The following PPP2R2B variants were observed in gnomAD, a reference collection of about 807,000 sequenced individuals.
The protein encoded by PPP2R2B is protein phosphatase 2 regulatory subunit Bbeta, also known as serine/threonine-protein phosphatase 2A 55 kDa regulatory subunit B beta isoform.
Under a neutral mutation model 46.0 loss-of-function variants are expected in PPP2R2B, and 5 were observed. That is an observed-to-expected ratio of 0.11 (90% CI 0.06 to 0.23). PPP2R2B has a LOEUF of 0.23. Ranked by LOEUF, PPP2R2B falls within the 10% of genes least tolerant of loss-of-function variation. PPP2R2B has a pLI of 1.00. For missense variants in PPP2R2B, 367 were observed against 575.0 expected (o/e 0.64, Z 3.70); for synonymous variants, 215 against 206.7 (o/e 1.04, Z -0.34).
At chr5:146,782,304 T>C (rs1315099243) in intron 2 of PPP2R2B, among the ~76,000 whole-genome samples, 1 of 152,216 alleles carries the variant, frequency 6.6e-6, no homozygotes, top group Non-Finnish European at 1.5e-5. Flanking sequence ...AACTCTCCTA[T>C]AGCTATTGAG....
In PPP2R2B at chr5:146,954,237, A is replaced by G. The variant is rs528846008; in HGVS notation, c.79+101428T>C. On this transcript the variant is annotated intron_variant, in intron 1 of 8. Transcript: ENST00000336640. ...TTGGTATTAGTTCTCCAGGACCTCA[A>G]AATATATGAGGATACTTTAATACAA... Among the ~76,000 whole-genome samples the G allele has an allele frequency of 3.9e-5, 6 of 152,158 alleles. No homozygotes were observed. In the East Asian group the frequency reaches 7.7e-4, roughly 20 times the overall value.
intron 1 of PPP2R2B, among the ~76,000 whole-genome samples, chr5:147,052,839 C>G (rs997931214): frequency 6.6e-6 from 1 of 152,008 alleles, no homozygotes; most frequent in Non-Finnish European, 1.5e-5. Context: ...CTGACTGCTA[C>G]ATGGAGAACC....
At chr5:146,626,229 C>A (rs1444100918) in intron 7 of PPP2R2B, among the ~76,000 whole-genome samples, 2 of 148,856 alleles carry the variant, frequency 1.3e-5, no homozygotes, top group African/African-American at 4.9e-5. Context: ...GAAAAACGGG[C>A]AGCTAATACA....
intron 2 of PPP2R2B, among the ~76,000 whole-genome samples, chr5:146,780,429 C>A (rs961569210): frequency 6.6e-6 from 1 of 152,076 alleles, no homozygotes; most frequent in East Asian, 1.9e-4. Flanking sequence ...CCCTGCGGTA[C>A]GAGGAATACA....
intron 2 of PPP2R2B, among the ~76,000 whole-genome samples, chr5:146,845,092 A>T (rs1456454640): frequency 2.6e-5 from 4 of 152,066 alleles, no homozygotes; most frequent in Non-Finnish European, 4.4e-5. Flanking sequence ...TGCATATGCG[A>T]CAAGCCTCAG....
At chr5:146,994,925 G>A (rs1480279941) in intron 1 of PPP2R2B, among the ~76,000 whole-genome samples, 2 of 152,208 alleles carry the variant, frequency 1.3e-5, no homozygotes, top group Non-Finnish European at 2.9e-5. Context: ...AGGGTGATAA[G>A]AGGTGCAATG....
chr5:146,767,365 C>T (rs1443039365), intron 2 of PPP2R2B, among the ~76,000 whole-genome samples: 1 of 152,058 alleles, frequency 6.6e-6, no homozygotes, highest in African/African-American at 2.4e-5. Context: ...AGAAATGCTC[C>T]TGGTACCATA....
intron 2 of PPP2R2B, among the ~76,000 whole-genome samples, chr5:146,873,786 A>G (rs1299825838): frequency 6.6e-6 from 1 of 152,070 alleles, no homozygotes; most frequent in East Asian, 1.9e-4. Flanking sequence ...AGTGACTAAC[A>G]TTTTATACTT....
At chr5:146,699,659 TG>T (rs1440454975) in intron 3 of PPP2R2B, among the ~76,000 whole-genome samples, 9 of 124,162 alleles carry the variant, frequency 7.2e-5, no homozygotes, top group South Asian at 5.9e-4. Context: ...CGAACTTAAT[TG>T]GTTTTTTTTT....
chr5:147,023,571 T>C (rs1755387636), intron 1 of PPP2R2B, among the ~76,000 whole-genome samples: 1 of 152,176 alleles, frequency 6.6e-6, no homozygotes, highest in African/African-American at 2.4e-5. Context: ...ATAAGAGGGA[T>C]ATCTTAGTAT....
At chr5:146,904,840 A>G (rs896737979) in intron 1 of PPP2R2B, among the ~76,000 whole-genome samples, 4 of 152,192 alleles carry the variant, frequency 2.6e-5, no homozygotes, top group Non-Finnish European at 5.9e-5. Flanking sequence ...TAACATTAAC[A>G]TGAGGAACCA....
intron 1 of PPP2R2B, among the ~76,000 whole-genome samples, chr5:146,898,959 A>G (rs1472780366): frequency 1.4e-5 from 2 of 146,176 alleles, no homozygotes; most frequent in Admixed American, 1.4e-4. Context: ...GGCAATCTTT[A>G]AAAAGTCAGG....
chr5:147,040,716 C>T (rs759245226), intron 1 of PPP2R2B: 23 of 447,036 alleles, frequency 5.1e-5, no homozygotes, highest in Admixed American at 2.2e-4. Flanking sequence ...GTAGCACTTA[C>T]GAGAACATTC....
chr5:146,763,990 G>T lies in PPP2R2B; in HGVS notation c.71-62848C>A, dbSNP rs564469753. On this transcript the variant is annotated intron_variant, in intron 2 of 9. Transcript: ENST00000394411. The stretch of plus-strand genomic sequence containing the variant: ...TATCTTCTTGCCTTGGCCTCCCAAA[G>T]TGCTGGGATTACAGGTGTGAGCCAC... Among the ~76,000 whole-genome samples, 70 of 152,258 alleles carry T rather than the reference G, an allele frequency of 4.6e-4. 2 individuals are homozygous for T. Among genetic ancestry groups the T allele is most frequent in the Admixed American group, 3.3e-3 (51 of 15,290 alleles).
At chr5:146,878,887 G>A (rs1181990945), upstream of PPP2R2B, 1 of 1,158,404 alleles carries the variant, frequency 8.6e-7, no homozygotes, top group African/African-American at 1.6e-5. The surrounding 1 kb of genome is among the most constrained non-coding windows in gnomAD (Gnocchi z 4.5). Flanking sequence ...CTGCAGTGGG[G>A]CGCATGCAGC....
intron 2 of PPP2R2B, among the ~76,000 whole-genome samples, chr5:146,800,935 C>CAT (rs1756827091): frequency 6.6e-6 from 1 of 152,100 alleles, no homozygotes; most frequent in Non-Finnish European, 1.5e-5. Context: ...CACACACACA[C>CAT]ACACACACAC....
At chr5:147,076,220 G>A (rs773460868) in intron 2 of PPP2R2B, among the ~76,000 whole-genome samples, 4 of 152,056 alleles carry the variant, frequency 2.6e-5, no homozygotes, top group Non-Finnish European at 1.5e-5. Flanking sequence ...TAGGGTATAT[G>A]TACCTCTTAT....
chr5:146,873,179 T>C (rs530068410), intron 2 of PPP2R2B, among the ~76,000 whole-genome samples: 74 of 152,312 alleles, frequency 4.9e-4, no homozygotes, highest in African/African-American at 1.8e-3. Context: ...GTCCTTGACA[T>C]CACCTTCTCC....
At chr5:147,057,359 T>G (rs917439111), upstream of PPP2R2B, among the ~76,000 whole-genome samples, 8 of 152,180 alleles carry the variant, frequency 5.3e-5, no homozygotes, top group Non-Finnish European at 8.8e-5. Flanking sequence ...GGTTTGTTTT[T>G]GTGGGTAATT....
Sources: gnomAD v4.1 joint callset for allele counts (sites outside exome capture counted in the v4.1 genomes callset) on GRCh38, gnomAD v4.1.1 for gene constraint, Gnocchi (gnomAD v3.1) non-coding constraint, MANE v1.5 for transcripts, NCBI Gene and HGNC (gene_info 2026-07-23, HGNC 2026-07-21) for gene names.